The following PLA2G4C variants were observed in gnomAD, a reference collection of about 807,000 sequenced individuals.
PLA2G4C encodes the protein phospholipase A2 group IVC, also known as cytosolic phospholipase A2 gamma.
PLA2G4C carries 64 observed loss-of-function variants against 73.8 expected under a neutral mutation model. The observed-to-expected ratio is 0.87, with a 90% confidence interval of 0.71 to 1.07. The LOEUF (loss-of-function observed/expected upper bound fraction) is 1.07, where lower values mean the gene tolerates loss of function less well. Ranked by LOEUF, PLA2G4C falls within the 50% of genes least tolerant of loss-of-function variation. The pLI is 0.00. For synonymous variants in PLA2G4C, 254 were observed against 252.1 expected (o/e 1.01, Z -0.07); for missense variants, 622 against 665.4 (o/e 0.93, Z 0.72).
At chr19:48,053,515 G>A (rs1332945922) in intron 15 of PLA2G4C, among the ~76,000 whole-genome samples, 7 of 151,914 alleles carry the variant, frequency 4.6e-5, no homozygotes, top group South Asian at 2.1e-4. Context: ...GATTACAGGC[G>A]TGCATCACCA....
chr19:48,068,039 C>CA, intron 12 of PLA2G4C, 153 bp from the exon 13 acceptor site: 1 of 644,372 alleles, frequency 1.6e-6, no homozygotes, highest in South Asian at 1.7e-5. Context: ...CGCGTTGGCT[C>CA]ACGCCAGTCA....
intron 13 of PLA2G4C, chr19:48,064,990 C>T (rs150604889): frequency 2.0e-5 from 3 of 152,274 alleles, no homozygotes; most frequent in Admixed American, 6.5e-5. Flanking sequence ...CAGACTAAGA[C>T]AGTACCTCTG....
chr19:48,070,216 C>T (rs1352531342), intron 12 of PLA2G4C, among the ~76,000 whole-genome samples: 1 of 152,184 alleles, frequency 6.6e-6, no homozygotes, highest in Non-Finnish European at 1.5e-5. Context: ...GTCAACTAGG[C>T]TGGGCCACAG....
chr19:48,057,964 C>G lies in PLA2G4C; in HGVS notation c.1258-2915G>C, dbSNP rs147880464. ...TATCCCATCTCAACCTCCTAAGTAGCTGGGACTACAGGCGTGAGCCACCAT... is the reference window on the plus strand; with the variant it reads ...TATCCCATCTCAACCTCCTAAGTAGGTGGGACTACAGGCGTGAGCCACCAT... On this transcript the variant is annotated intron_variant, in intron 14 of 16. Transcript: ENST00000599921. 5.2e-3 allele frequency among the ~76,000 whole-genome samples: 793 copies of G among 151,622 alleles called. 31 individuals are homozygous for G. The highest frequency in any genetic ancestry group is 0.048 in the Admixed American group (735 of 15,244).
chr19:48,090,583 C>T (rs891484038), intron 7 of PLA2G4C, 166 bp from the exon 8 acceptor site: 24 of 630,324 alleles, frequency 3.8e-5, no homozygotes, highest in African/African-American at 7.3e-5. Context: ...AGTGGGCACC[C>T]GGCACTCTTC....
At chr19:48,066,653 G>A (rs1052753859) in intron 13 of PLA2G4C, among the ~76,000 whole-genome samples, 6 of 151,960 alleles carry the variant, frequency 3.9e-5, no homozygotes, top group South Asian at 2.1e-4. Context: ...AGATGTTCAC[G>A]ATAGTCTTGT....
intron 10 of PLA2G4C, among the ~76,000 whole-genome samples, chr19:48,084,306 C>T (rs909896271): frequency 2.6e-5 from 4 of 152,102 alleles, no homozygotes; most frequent in Non-Finnish European, 4.4e-5. Flanking sequence ...GTGATCTGTC[C>T]GCCTGGGCCT....
At chr19:48,091,821 T>C (rs12982777) in intron 7 of PLA2G4C, among the ~76,000 whole-genome samples, 2 of 139,028 alleles carry the variant, frequency 1.4e-5, no homozygotes, top group South Asian at 4.6e-4. Flanking sequence ...ACCTGGGAGG[T>C]TGCAGTGAGC....
At chr19:48,099,887 T>A in intron 4 of PLA2G4C, 27 bp from the exon 5 acceptor site, 1 of 1,552,786 alleles carries the variant, frequency 6.4e-7, no homozygotes, top group Non-Finnish European at 8.9e-7. Context: ...GAGAGTGAGT[T>A]GGGCATTTTA....
At chr19:48,052,976 C>G (rs754618708) in intron 16 of PLA2G4C, 21 bp downstream of exon 16, 1 of 1,591,362 alleles carries the variant, frequency 6.3e-7, no homozygotes. Context: ...GGCATCAGAG[C>G]GACTATGGTC....
At chr19:48,062,479 G>A (rs373946384) in intron 13 of PLA2G4C, among the ~76,000 whole-genome samples, 6 of 152,108 alleles carry the variant, frequency 3.9e-5, no homozygotes, top group African/African-American at 9.6e-5. Context: ...GCGTGGTGGC[G>A]GGTGCCTGTA....
chr19:48,053,710 C>G (rs958094146), intron 15 of PLA2G4C, among the ~76,000 whole-genome samples: 1 of 152,138 alleles, frequency 6.6e-6, no homozygotes, highest in Non-Finnish European at 1.5e-5. Flanking sequence ...TAGCCTGCCT[C>G]TCCTGGAACC....
At position 48,059,220 on chromosome 19, in the gene PLA2G4C, G is replaced by A. The variant is rs558797254; in HGVS notation, c.1257+2778C>T. Among the ~76,000 whole-genome samples, 122 of 149,394 alleles carry A rather than the reference G, an allele frequency of 8.2e-4. No homozygotes were observed. The Middle Eastern group carries it at 0.027, about 34-fold the overall frequency. On this transcript the variant is annotated intron_variant, in intron 14 of 16. Transcript: ENST00000599921. ...CAGGAGGTGGAGGTTGCAGTGAGCC[G>A]AGATTGTGCCACTGCACTCCAGCCT...
intron 4 of PLA2G4C, 85 bp from the exon 5 acceptor site, chr19:48,099,945 C>G: frequency 1.2e-6 from 1 of 854,720 alleles, no homozygotes; most frequent in Non-Finnish European, 1.8e-6. Context: ...GGAGGTCCTT[C>G]ACAGGAACAC....
intron 13 of PLA2G4C, among the ~76,000 whole-genome samples, chr19:48,062,984 A>G (rs1968249907): frequency 6.6e-6 from 1 of 152,192 alleles, no homozygotes; most frequent in Non-Finnish European, 1.5e-5. Context: ...CGGTCTGGAA[A>G]GGTGGGACAA....
chr19:48,105,427 A>G lies in PLA2G4C; in HGVS notation c.26T>C (p.Ile9Thr), dbSNP rs2032128848. The change falls in exon 3 of 17, where the codon ATT becomes ACT. Residue 9 changes from isoleucine to threonine, a missense_variant. Physicochemically the swap from Ile to Thr is moderately conservative, Grantham distance 89. Coordinates refer to ENST00000599921, the MANE Select transcript of PLA2G4C (RefSeq NM_003706.3). MGSSEVSI[I>T]PGLQKEEKAA... ...CTTTTCTTCTTTCTGGAGCCCAGGA[A>G]TTATGGAAACTTCAGAGCTTCCCAG... 1.2e-6 allele frequency: 2 copies of G among 1,613,302 alleles called. No homozygotes were observed. Among genetic ancestry groups the G allele is most frequent in the African/African-American group, 1.3e-5 (1 of 74,834 alleles).
At chr19:48,104,857 T>C (rs1330404737) in intron 3 of PLA2G4C, 133 bp from the exon 4 acceptor site, 8 of 789,248 alleles carry the variant, frequency 1.0e-5, no homozygotes, top group Non-Finnish European at 1.6e-5. Context: ...CCGAGGCAGG[T>C]GGATCACTTG....
intron 12 of PLA2G4C, 195 bp from the exon 13 acceptor site, chr19:48,068,081 A>C: frequency 1.8e-6 from 1 of 566,590 alleles, no homozygotes; most frequent in South Asian, 2.0e-5. Context: ...AGGCAGAAGG[A>C]TCACCATATC....
intron 1 of PLA2G4C, among the ~76,000 whole-genome samples, chr19:48,108,079 A>C (rs983217167): frequency 7.9e-5 from 12 of 152,052 alleles, no homozygotes; most frequent in Non-Finnish European, 1.3e-4. Context: ...GTGGTCCCCC[A>C]GGCCCAGCTG....
Sources: allele counts gnomAD v4.1 joint callset (sites outside exome capture counted in the v4.1 genomes callset), GRCh38; gene constraint gnomAD v4.1.1; transcripts MANE v1.5; gene names NCBI Gene and HGNC (gene_info 2026-07-23, HGNC 2026-07-21).